The following TAS1R3 variants were observed in gnomAD, a reference collection of about 807,000 sequenced individuals.
TAS1R3 encodes taste 1 receptor member 3, also known as taste receptor type 1 member 3.
In TAS1R3, 58 loss-of-function variants were observed where a neutral mutation model predicts 46.1. The observed-to-expected ratio is 1.26, with a 90% CI of 1.02 to 1.57. The LOEUF is 1.57. TAS1R3 is among the 40% of genes most tolerant of loss of function. The pLI is 0.00. For missense variants in TAS1R3, 1,422 were observed against 1,185.8 expected (o/e 1.20, Z -2.93); for synonymous variants, 724 against 544.7 (o/e 1.33, Z -4.58).
Position 1,331,958 on chromosome 1 carries a change from A to AACCCCCCC in TAS1R3, c.492+20_492+21insACCCCCCC. 4 of 1,539,214 alleles carry AACCCCCCC rather than the reference A, an allele frequency of 2.6e-6. No individual in the cohort carries two copies. Among genetic ancestry groups the AACCCCCCC allele is most frequent in the Non-Finnish European group, 2.6e-6 (3 of 1,141,744 alleles). On this transcript the variant is annotated intron_variant, in intron 2 of 5. Coordinates refer to ENST00000339381, the MANE Select transcript of TAS1R3 (RefSeq NM_152228.3). ...CCCCAGGTGGGCGCCCCCCACCATC[A>AACCCCCCC]CCCACCCCCACCCAGCCCTGCCCGT...
rs200764612 is a variant in TAS1R3, at chr1:1,332,620, G to A, written c.1089G>A (p.Glu363=). The A allele has an allele frequency of 1.4e-5, 23 of 1,609,968 alleles. No homozygotes were observed. In the South Asian group the frequency reaches 2.1e-4, roughly 15 times the overall value. ...ALGEREQGLE[E]DVVGQRCPQC... is the part of the protein sequence containing the mutation. The stretch of plus-strand genomic sequence containing the variant: ...GCGAGAGGGAGCAGGGTCTGGAGGA[G>A]GACGTGGTGGGCCAGCGCTGCCCGC... The change falls in exon 3 of 6, where the codon GAG becomes GAA. Residue 363 remains glutamate (E), a synonymous_variant. Transcript: ENST00000339381.
Position 1,331,542 on chromosome 1 carries a change from G to A in TAS1R3, c.191+6G>A. On this transcript the variant is annotated splice_donor_region_variant and intron_variant, in intron 1 of 5. Transcript: ENST00000339381. ...AGCAGCCCTGTGTGCACCAGGTACA[G>A]AGGTGGGACGGCCTGGGTCGGGGTC... 1 of 1,597,996 alleles carries A rather than the reference G, an allele frequency of 6.3e-7. No homozygotes were observed.
chr1:1,333,310 G>A lies in TAS1R3; in HGVS notation c.1531G>A (p.Val511Ile), dbSNP rs773265748. ...GTGCCAGGAGGGCCAGGTGCGCCGG[G>A]TCAAGGGGTTCCACTCCTGCTGCTA... ...RQCQEGQVRR[V>I]KGFHSCCYDC... Residue 511 changes from valine to isoleucine, a missense_variant, in exon 5 of 6, where the codon GTC (valine) becomes ATC (isoleucine). By Grantham distance (29) the Val-to-Ile change is conservative (BLOSUM62 3). Coordinates refer to ENST00000339381, the MANE Select transcript of TAS1R3 (RefSeq NM_152228.3). 5 of 1,601,738 alleles carry A rather than the reference G, an allele frequency of 3.1e-6. No individual in the cohort carries two copies. The highest frequency in any genetic ancestry group is 4.3e-6 in the Non-Finnish European group (5 of 1,175,086).
chr1:1,331,559 G>A, intron 1 of TAS1R3, 23 bp downstream of exon 1: 1 of 1,598,658 alleles, frequency 6.3e-7, no homozygotes, highest in Non-Finnish European at 8.5e-7. Context: ...GACGGCCTGG[G>A]TCGGGGTCAG....
Position 1,333,866 on chromosome 1 carries a change from A to C in TAS1R3, c.1961A>C (p.Gln654Pro). 2 of 1,600,364 alleles carry C rather than the reference A, an allele frequency of 1.2e-6. No individual in the cohort carries two copies. Among genetic ancestry groups the C allele is most frequent in the Non-Finnish European group, 1.7e-6 (2 of 1,179,806 alleles). Reference protein sequence around the residue: ...LTGCLSTLFLQAAEIFVESEL... With the variant: ...LTGCLSTLFLPAAEIFVESEL... ...GGCTGCCTGAGCACACTCTTCCTGC[A>C]GGCGGCCGAGATCTTCGTGGAGTCA... is the stretch of plus-strand genomic sequence containing the variant. The change falls in exon 6 of 6, where the codon CAG becomes CCG. Residue 654 changes from glutamine (Q) to proline (P), a missense_variant. By Grantham distance (76) the Gln-to-Pro change is moderately conservative. Transcript: ENST00000339381.
In TAS1R3 at chr1:1,333,545, C is replaced by A; in HGVS notation, c.1640C>A (p.Ser547Tyr). 1.2e-6 allele frequency: 2 copies of A among 1,603,390 alleles called. No homozygotes were observed. The highest frequency in any genetic ancestry group is 1.7e-6 in the Non-Finnish European group (2 of 1,179,826). Reference sequence around the variant, plus strand: ...ACCTTTTGTGGCCAGGATGAGTGGTCCCCGGAGCGAAGCACACGCTGCTTC... The same window carrying A: ...ACCTTTTGTGGCCAGGATGAGTGGTACCCGGAGCGAAGCACACGCTGCTTC... ...ACTFCGQDEW[S>Y]PERSTRCFRR... Residue 547 changes from serine (S) to tyrosine (Y), a missense_variant, in exon 6 of 6, where the codon TCC (serine) becomes TAC (tyrosine). Coordinates refer to ENST00000339381, the MANE Select transcript of TAS1R3 (RefSeq NM_152228.3).
chr1:1,334,091 G>C lies in TAS1R3; in HGVS notation c.2186G>C (p.Ser729Thr). ...LVHCRTRSWV[S>T]FGLAHATNAT... ...CACTGCCGCACACGCTCCTGGGTCAGCTTCGGCCTAGCGCACGCCACCAAT... is the reference window on the plus strand; with the variant it reads ...CACTGCCGCACACGCTCCTGGGTCACCTTCGGCCTAGCGCACGCCACCAAT... Residue 729 changes from serine to threonine, a missense_variant, in exon 6 of 6, where the codon AGC (serine) becomes ACC (threonine). Coordinates refer to ENST00000339381, the MANE Select transcript of TAS1R3 (RefSeq NM_152228.3). 2 of 1,591,100 alleles carry C rather than the reference G, an allele frequency of 1.3e-6. No homozygotes were observed. The highest frequency in any genetic ancestry group is 1.7e-6 in the Non-Finnish European group (2 of 1,170,432).
In TAS1R3 at chr1:1,333,253, G is replaced by T; in HGVS notation, c.1480-6G>T. 6.3e-7 allele frequency: 1 copy of T among 1,598,820 alleles called. No homozygotes were observed. ...GAGCAGAGCCAGACCCCAGGCCTGT[G>T]CGCAGAAGCCCGTGTCCCGGTGCTC... On this transcript the variant is annotated splice_region_variant and splice_polypyrimidine_tract_variant and intron_variant, in intron 4 of 5. Coordinates refer to ENST00000339381, the MANE Select transcript of TAS1R3 (RefSeq NM_152228.3).
chr1:1,334,597 C>G lies in TAS1R3; in HGVS notation c.*133C>G, dbSNP rs1440911804. On this transcript the variant is annotated 3_prime_UTR_variant, in exon 6 of 6. Transcript: ENST00000339381. ...ACCCCAGGTTGTCTCCTGACCCTGACCCCACAGTGAGCCCTAGGCCTGGAG... is the reference window on the plus strand; with the variant it reads ...ACCCCAGGTTGTCTCCTGACCCTGAGCCCACAGTGAGCCCTAGGCCTGGAG... 9.6e-7 allele frequency: 1 copy of G among 1,039,446 alleles called. No homozygotes were observed. Among genetic ancestry groups the G allele is most frequent in the African/African-American group, 1.6e-5 (1 of 62,042 alleles). The allele number at this position is 1,039,446 out of a possible 1,614,324, so 64.4% of individuals were successfully genotyped here.
chr1:1,332,424 T>C lies in TAS1R3; in HGVS notation c.893T>C (p.Val298Ala). Reference protein sequence around the residue: ...ISSRLSPKVWVASEAWLTSDL... With the variant: ...ISSRLSPKVWAASEAWLTSDL... ...AGCAGGCTCTCGCCCAAGGTGTGGG[T>C]GGCCAGCGAGGCCTGGCTGACCTCT... Residue 298 changes from valine to alanine, a missense_variant, in exon 3 of 6, where the codon GTG (valine) becomes GCG (alanine). Transcript: ENST00000339381. 6.2e-7 allele frequency: 1 copy of C among 1,606,890 alleles called. No homozygotes were observed. Among genetic ancestry groups the C allele is most frequent in the Non-Finnish European group, 8.5e-7 (1 of 1,178,272 alleles).
In TAS1R3 at chr1:1,331,841, C is replaced by A. The variant is rs375171209; in HGVS notation, c.395C>A (p.Thr132Lys). The A allele has an allele frequency of 7.4e-6, 12 of 1,612,934 alleles. No homozygotes were observed. The highest frequency in any genetic ancestry group is 2.2e-5 in the East Asian group (1 of 44,892). ...GACATCGCCGCCTACTGCAACTACA[C>A]GCAGTACCAGCCCCGTGTGCTGGCT... The part of the protein sequence containing the change: ...SRDIAAYCNY[T>K]QYQPRVLAVI... The change falls in exon 2 of 6, where the codon ACG (threonine) becomes AAG (lysine). Residue 132 changes from threonine to lysine, a missense_variant. Thr to Lys is a moderately conservative substitution (Grantham distance 78). Coordinates refer to ENST00000339381, the MANE Select transcript of TAS1R3 (RefSeq NM_152228.3).
Position 1,333,658 on chromosome 1 carries a change from G to T in TAS1R3, c.1753G>T (p.Ala585Ser). 1 of 1,612,110 alleles carries T rather than the reference G, an allele frequency of 6.2e-7. No homozygotes were observed. The change falls in exon 6 of 6, where the codon GCT becomes TCT. Residue 585 changes from alanine (A) to serine (S), a missense_variant. Transcript: ENST00000339381. ...LLSLALGLVL[A>S]ALGLFVHHRD... The stretch of plus-strand genomic sequence containing the variant: ...GAGCCTGGCGCTGGGCCTTGTGCTG[G>T]CTGCTTTGGGGCTGTTCGTTCACCA...
rs554254788 is a variant in TAS1R3, at chr1:1,334,904, G to C, written c.*440G>C. 64 of 166,226 alleles carry C rather than the reference G, an allele frequency of 3.9e-4. No individual in the cohort carries two copies. Among genetic ancestry groups the C allele is most frequent in the Admixed American group, 1.2e-3 (20 of 17,034 alleles). The allele number at this position is 166,226 out of a possible 1,614,324, so 10.3% of individuals were successfully genotyped here. A position where few individuals can be genotyped will look rare whatever the true frequency, so the allele number is the denominator to read the frequency against. On this transcript the variant is annotated 3_prime_UTR_variant, in exon 6 of 6. Coordinates refer to ENST00000339381, the MANE Select transcript of TAS1R3 (RefSeq NM_152228.3). ...CAGGCACCACAGCAGTGGGAGGCCA[G>C]GTGGGGGCACACAGGCATATGCCCA...
chr1:1,331,825 G>GC lies in TAS1R3; in HGVS notation c.381dup (p.Tyr128LeufsTer43). On this transcript the variant is annotated frameshift_variant, in exon 2 of 6. Coordinates refer to ENST00000339381, the MANE Select transcript of TAS1R3 (RefSeq NM_152228.3). LOFTEE classifies it high-confidence loss of function. ...CAAGGCAGGCAGCCGCGACATCGCC[G>GC]CCTACTGCAACTACACGCAGTACCA... is the stretch of plus-strand genomic sequence containing the variant. 1 of 1,612,796 alleles carries GC rather than the reference G, an allele frequency of 6.2e-7. No individual in the cohort carries two copies. Among genetic ancestry groups the GC allele is most frequent in the Non-Finnish European group, 8.5e-7 (1 of 1,180,026 alleles).
Position 1,333,240 on chromosome 1 carries a change from AC to A in TAS1R3, c.1480-15del. The A allele has an allele frequency of 6.3e-7, 1 of 1,597,976 alleles. No individual in the cohort carries two copies. ...GGCATGCCCAGCCGAGCAGAGCCAG[AC>A]CCCAGGCCTGTGCGCAGAAGCCCGT... On this transcript the variant is annotated intron_variant, in intron 4 of 5. Transcript: ENST00000339381.
chr1:1,331,867 G>A lies in TAS1R3; in HGVS notation c.421G>A (p.Val141Ile), dbSNP rs567568163. 2 of 1,612,914 alleles carry A rather than the reference G, an allele frequency of 1.2e-6. No homozygotes were observed. The highest frequency in any genetic ancestry group is 1.7e-6 in the Non-Finnish European group (2 of 1,180,006). ...YTQYQPRVLA[V>I]IGPHSSELAM... is the part of the protein sequence containing the mutation. ...GCAGTACCAGCCCCGTGTGCTGGCTGTCATCGGGCCCCACTCGTCAGAGCT... is the reference window on the plus strand; with the variant it reads ...GCAGTACCAGCCCCGTGTGCTGGCTATCATCGGGCCCCACTCGTCAGAGCT... Residue 141 changes from valine (V) to isoleucine (I), a missense_variant, in exon 2 of 6, where the codon GTC becomes ATC. Coordinates refer to ENST00000339381, the MANE Select transcript of TAS1R3 (RefSeq NM_152228.3).
rs148558246 is a variant in TAS1R3, at chr1:1,332,543, G to T, written c.1012G>T (p.Val338Leu). Residue 338 changes from valine (V) to leucine (L), a missense_variant, in exon 3 of 6, where the codon GTG becomes TTG. By Grantham distance (32) the Val-to-Leu change is conservative. Transcript: ENST00000339381. ...GAQLHEFPQY[V>L]KTHLALATDP... Reference sequence around the variant, plus strand: ...CCAGCTGCACGAGTTCCCCCAGTACGTGAAGACGCACCTGGCCCTGGCCAC... The same window carrying T: ...CCAGCTGCACGAGTTCCCCCAGTACTTGAAGACGCACCTGGCCCTGGCCAC... 6.2e-7 allele frequency: 1 copy of T among 1,611,638 alleles called. No homozygotes were observed. Among genetic ancestry groups the T allele is most frequent in the African/African-American group, 1.3e-5 (1 of 74,918 alleles).
rs776170633 is a variant in TAS1R3, at chr1:1,333,122, CAGGTG to C, written c.1479+7_1479+11del. 7.0e-5 allele frequency: 112 copies of C among 1,610,792 alleles called. No homozygotes were observed. The highest frequency in any genetic ancestry group is 1.6e-4 in the Middle Eastern group (1 of 6,082). On this transcript the variant is annotated splice_donor_variant and splice_donor_region_variant and coding_sequence_variant and intron_variant, in exon 4 of 6. Coordinates refer to ENST00000339381, the MANE Select transcript of TAS1R3 (RefSeq NM_152228.3). LOFTEE classifies it high-confidence loss of function. The stretch of plus-strand genomic sequence containing the variant: ...GATCCGCTGGCACACGTCTGACAAC[CAGGTG>C]AGGTGAGGGTGGGTGTGCCAGGCGT...
rs1643492436 is a variant in TAS1R3 at position 1,333,892 on chromosome 1, G to C, written c.1987G>C (p.Glu663Gln). ...GGCGGCCGAGATCTTCGTGGAGTCA[G>C]AACTGCCTCTGAGCTGGGCAGACCG... ...LQAAEIFVES[E>Q]LPLSWADRLS... Residue 663 changes from glutamate to glutamine, a missense_variant, in exon 6 of 6, where the codon GAA becomes CAA. Transcript: ENST00000339381. 1 of 1,600,728 alleles carries C rather than the reference G, an allele frequency of 6.2e-7. No individual in the cohort carries two copies. Among genetic ancestry groups the C allele is most frequent in the African/African-American group, 1.3e-5 (1 of 75,032 alleles).
Sources: allele counts gnomAD v4.1 joint callset, GRCh38; gene constraint gnomAD v4.1.1; transcripts MANE v1.5; gene names NCBI Gene and HGNC (gene_info 2026-07-23, HGNC 2026-07-21).